The following RAB23 variants were observed in gnomAD, a reference collection of about 807,000 sequenced individuals.
The protein encoded by RAB23 is RAB23, member RAS oncogene family, also known as ras-related protein Rab-23.
Under a neutral mutation model 30.0 loss-of-function variants are expected in RAB23, and 15 were observed. That is an observed-to-expected ratio of 0.50 (90% CI 0.33 to 0.77). The LOEUF (loss-of-function observed/expected upper bound fraction) is 0.77, where lower values mean the gene tolerates loss of function less well. RAB23 is among the 30% of genes least tolerant of loss of function. The pLI is 0.02. For missense variants in RAB23, 243 were observed against 275.4 expected (o/e 0.88, Z 0.83); for synonymous variants, 93 against 94.0 (o/e 0.99, Z 0.06).
At chr6:57,211,834 G>C (rs548606353) in intron 1 of RAB23, among the ~76,000 whole-genome samples, 10 of 152,314 alleles carry the variant, frequency 6.6e-5, no homozygotes, top group Admixed American at 6.5e-4. Context: ...AAAATTACTA[G>C]TTAGGCTACT....
intron 3 of RAB23, among the ~76,000 whole-genome samples, chr6:57,207,123 T>C (rs757160966): frequency 1.3e-5 from 2 of 152,232 alleles, no homozygotes; most frequent in Admixed American, 1.3e-4. Flanking sequence ...GGAAGTTTAA[T>C]TTAGCCTTTT....
intron 1 of RAB23, among the ~76,000 whole-genome samples, chr6:57,219,350 C>CATG (rs1765972340): frequency 1.3e-5 from 2 of 152,156 alleles, no homozygotes; most frequent in Admixed American, 6.5e-5. Context: ...AATGGAAAGA[C>CATG]ATATCATGTT....
Position 57,190,331 on chromosome 6 carries a change from T to G in RAB23, c.*130A>C, listed in dbSNP as rs945199095. Reference sequence around the variant, plus strand: ...TCTGAAAAGCACTGCAGAGCAATATTTAAGTCTGTCACTTTCAGAGAGCCA... The same window carrying G: ...TCTGAAAAGCACTGCAGAGCAATATGTAAGTCTGTCACTTTCAGAGAGCCA... On this transcript the variant is annotated 3_prime_UTR_variant, in exon 7 of 7. Coordinates refer to ENST00000468148, the MANE Select transcript of RAB23 (RefSeq NM_016277.5). 6 of 1,102,986 alleles carry G rather than the reference T, an allele frequency of 5.4e-6. No individual in the cohort carries two copies. In the African/African-American group the frequency reaches 7.7e-5, roughly 14 times the overall value. 68.3% of individuals were successfully genotyped at this position (1,102,986 alleles called of 1,614,324 possible).
chr6:57,206,563 G>A (rs1405008812), intron 3 of RAB23, among the ~76,000 whole-genome samples: 2 of 152,136 alleles, frequency 1.3e-5, no homozygotes, highest in Non-Finnish European at 2.9e-5. Context: ...AGAGCAAGCA[G>A]GGGGATTAGT....
In RAB23 at chr6:57,188,195, A is replaced by G. The variant is rs1333241545; in HGVS notation, c.*2266T>C. 1 of 152,194 alleles carries G rather than the reference A, an allele frequency of 6.6e-6. No individual in the cohort carries two copies. Among genetic ancestry groups the G allele is most frequent in the East Asian group, 1.9e-4 (1 of 5,204 alleles). 9.4% of individuals were successfully genotyped at this position (152,194 alleles called of 1,614,324 possible). On this transcript the variant is annotated 3_prime_UTR_variant, in exon 7 of 7. Transcript: ENST00000468148. Reference sequence around the variant, plus strand: ...GAGAATGAAGGGTCTTGGAAAAAAAATGTCAATTTTTGAAGGCTTTAAGAA... The same window carrying G: ...GAGAATGAAGGGTCTTGGAAAAAAAGTGTCAATTTTTGAAGGCTTTAAGAA...
At chr6:57,214,476 CA>C (rs962977853) in intron 1 of RAB23, among the ~76,000 whole-genome samples, 19 of 152,190 alleles carry the variant, frequency 1.2e-4, no homozygotes, top group African/African-American at 4.1e-4. Context: ...CTAGTTTTTG[CA>C]TTTTTTTGTA....
At chr6:57,215,553 T>C (rs1385739807) in intron 1 of RAB23, among the ~76,000 whole-genome samples, 1 of 152,074 alleles carries the variant, frequency 6.6e-6, no homozygotes, top group Non-Finnish European at 1.5e-5. Context: ...AACAAAAATA[T>C]CCTCTAGGAA....
chr6:57,207,667 G>C lies in RAB23; in HGVS notation c.202C>G (p.Gln68Glu). Reference protein sequence around the residue: ...VRLMLWDTAGQEEFDAITKAY... With the variant: ...VRLMLWDTAGEEEFDAITKAY... Reference sequence around the variant, plus strand: ...TTTGTAATTGCATCAAATTCCTCCTGACCTGCAGTGTCCCATAACATTAGT... The same window carrying C: ...TTTGTAATTGCATCAAATTCCTCCTCACCTGCAGTGTCCCATAACATTAGT... Residue 68 changes from glutamine to glutamate, a missense_variant, in exon 3 of 7, where the codon CAG becomes GAG. Transcript: ENST00000468148. 1 of 1,605,698 alleles carries C rather than the reference G, an allele frequency of 6.2e-7. No homozygotes were observed. The highest frequency in any genetic ancestry group is 8.5e-7 in the Non-Finnish European group (1 of 1,172,654).
In RAB23 at chr6:57,189,454, G is replaced by GTT. The variant is rs1010041611; in HGVS notation, c.*1005_*1006dup. On this transcript the variant is annotated 3_prime_UTR_variant, in exon 7 of 7. Coordinates refer to ENST00000468148, the MANE Select transcript of RAB23 (RefSeq NM_016277.5). Reference sequence around the variant, plus strand: ...GGGTTCTCAGTGAGCAGCAAAAGGTGTTAGATGCATCACCACACTTCACAG... The same window carrying GTT: ...GGGTTCTCAGTGAGCAGCAAAAGGTGTTTTAGATGCATCACCACACTTCACAG... 2.0e-5 allele frequency: 3 copies of GTT among 152,170 alleles called. No individual in the cohort carries two copies. The highest frequency in any genetic ancestry group is 7.2e-5 in the African/African-American group (3 of 41,430). 9.4% of individuals were successfully genotyped at this position (152,170 alleles called of 1,614,324 possible).
At chr6:57,196,709 T>C in intron 3 of RAB23, 103 bp from the exon 4 acceptor site, 2 of 1,455,916 alleles carry the variant, frequency 1.4e-6, no homozygotes, top group Non-Finnish European at 1.9e-6. Context: ...GCAACTTTTA[T>C]CCATTCAAAA....
intron 1 of RAB23, among the ~76,000 whole-genome samples, chr6:57,219,706 T>C (rs1765984223): frequency 4.6e-5 from 7 of 152,190 alleles, no homozygotes; most frequent in Non-Finnish European, 2.9e-5. Flanking sequence ...AGCAATTCAA[T>C]GGAGAGAAGA....
chr6:57,199,047 A>C (rs1442349388), intron 3 of RAB23, among the ~76,000 whole-genome samples: 1 of 152,250 alleles, frequency 6.6e-6, no homozygotes, highest in African/African-American at 2.4e-5. Context: ...AAGAAAGGGA[A>C]GATGTTTACA....
At position 57,189,088 on chromosome 6, in the gene RAB23, G is replaced by GTGA. The variant is rs1192703708; in HGVS notation, c.*1370_*1372dup. 9.2e-5 allele frequency: 14 copies of GTGA among 152,196 alleles called. No homozygotes were observed. Among genetic ancestry groups the GTGA allele is most frequent in the Admixed American group, 5.2e-4 (8 of 15,278 alleles). 9.4% of individuals were successfully genotyped at this position (152,196 alleles called of 1,614,324 possible). On this transcript the variant is annotated 3_prime_UTR_variant, in exon 7 of 7. Coordinates refer to ENST00000468148, the MANE Select transcript of RAB23 (RefSeq NM_016277.5). ...AGGTTAAAAATAAAGCCATTGATGA[G>GTGA]TGATAATCAGTTTTAACAGAGTTCA...
At chr6:57,194,698 T>C (rs1764956138) in intron 5 of RAB23, 72 bp downstream of exon 5, 1 of 1,139,450 alleles carries the variant, frequency 8.8e-7, no homozygotes, top group African/African-American at 1.6e-5. Flanking sequence ...ATATAATTTC[T>C]AAACAACACA....
intron 3 of RAB23, among the ~76,000 whole-genome samples, chr6:57,199,598 T>C (rs1765162759): frequency 6.6e-6 from 1 of 151,584 alleles, no homozygotes; most frequent in Non-Finnish European, 1.5e-5. Flanking sequence ...AAGAACAAAA[T>C]GAAAAAACAA....
At chr6:57,195,112 CAACT>C (rs1476429783) in intron 4 of RAB23, among the ~76,000 whole-genome samples, 3 of 152,106 alleles carry the variant, frequency 2.0e-5, no homozygotes, top group Non-Finnish European at 2.9e-5. Flanking sequence ...AAATAAACAC[CAACT>C]GTTATACCGT....
intron 6 of RAB23, among the ~76,000 whole-genome samples, chr6:57,191,968 T>C (rs1764857532): frequency 6.6e-6 from 1 of 152,016 alleles, no homozygotes; most frequent in African/African-American, 2.4e-5. Context: ...CTCAGCCTCC[T>C]GAGTAACTGG....
chr6:57,212,776 A>G (rs1765702393), intron 1 of RAB23, among the ~76,000 whole-genome samples: 1 of 151,420 alleles, frequency 6.6e-6, no homozygotes, highest in South Asian at 2.1e-4. Flanking sequence ...AGTCCCAGCT[A>G]CTCGGGAAGC....
intron 1 of RAB23, among the ~76,000 whole-genome samples, chr6:57,220,968 G>A (rs899796782): frequency 6.6e-6 from 1 of 152,072 alleles, no homozygotes; most frequent in African/African-American, 2.4e-5. Flanking sequence ...TAAAGCACTA[G>A]ATCAAAACAA....
Sources: allele counts gnomAD v4.1 joint callset (sites outside exome capture counted in the v4.1 genomes callset), GRCh38; gene constraint gnomAD v4.1.1; transcripts MANE v1.5; gene names NCBI Gene and HGNC (gene_info 2026-07-23, HGNC 2026-07-21).